CSMD1: variants seen among roughly 807,000 people sequenced by gnomAD.
CSMD1 encodes CUB and Sushi multiple domains 1.
CSMD1 carries 213 observed loss-of-function variants against 417.5 expected under a neutral mutation model. That is an observed-to-expected ratio of 0.51 (90% CI 0.46 to 0.57). CSMD1 has a LOEUF of 0.57. Ranked by LOEUF, CSMD1 falls within the 20% of genes least tolerant of loss-of-function variation. CSMD1 has a pLI of 0.00. For missense variants in CSMD1, 6,923 were observed against 4,529.7 expected, an observed-to-expected ratio of 1.53 and a Z score of -15.17; for synonymous variants, 2,862 against 1,736.8, an observed-to-expected ratio of 1.65 and a Z score of -16.11.
rs1463725457 is a variant in CSMD1 at position 3,695,685 on chromosome 8, C to A, written c.1009+12729G>T. On this transcript the variant is annotated intron_variant, in intron 7 of 69. Transcript: ENST00000635120. ...AAAATAATGATTAGAAAGATTCTAG[C>A]AAATTGTATTTAAAAGTTACTAAAA... Among the ~76,000 whole-genome samples, 3 of 152,112 alleles carry A rather than the reference C, an allele frequency of 2.0e-5. No homozygotes were observed. The South Asian group carries it at 6.2e-4, about 31-fold the overall frequency.
At chr8:3,764,904 C>T (rs184711192) in intron 5 of CSMD1, among the ~76,000 whole-genome samples, 3 of 151,860 alleles carry the variant, frequency 2.0e-5, no homozygotes, top group Non-Finnish European at 2.9e-5. Context: ...TGCCACCACA[C>T]CCAGCTCATT....
At chr8:4,258,361 G>T (rs1421643672) in intron 3 of CSMD1, among the ~76,000 whole-genome samples, 8 of 32,098 alleles carry the variant, frequency 2.5e-4, no homozygotes, top group African/African-American at 4.1e-4. Context: ...AAGAGAAGGA[G>T]GGAAGGAGGG....
At chr8:4,578,247 G>A (rs1799231128) in intron 2 of CSMD1, among the ~76,000 whole-genome samples, 1 of 150,564 alleles carries the variant, frequency 6.6e-6, no homozygotes, top group South Asian at 2.1e-4. Context: ...TGCAAGCTCT[G>A]CCTCCCGGGT....
intron 3 of CSMD1, among the ~76,000 whole-genome samples, chr8:4,123,566 G>C (rs757071371): frequency 6.6e-6 from 1 of 152,130 alleles, no homozygotes; most frequent in Admixed American, 6.5e-5. Flanking sequence ...TTTAAAGTGA[G>C]GAAATTCAAC....
At chr8:4,773,113 T>C (rs1796680557) in intron 1 of CSMD1, among the ~76,000 whole-genome samples, 2 of 152,198 alleles carry the variant, frequency 1.3e-5, no homozygotes, top group African/African-American at 2.4e-5. Context: ...TATTTGCATA[T>C]ATATTACCAG....
At chr8:4,516,210 C>A (rs992441667) in intron 2 of CSMD1, among the ~76,000 whole-genome samples, 1 of 152,092 alleles carries the variant, frequency 6.6e-6, no homozygotes, top group African/African-American at 2.4e-5. Context: ...CAGACACACA[C>A]AGAGGGAAGA....
In CSMD1 at chr8:4,976,175, G is replaced by A. The variant is rs779154642; in HGVS notation, c.85+18157C>T. Among the ~76,000 whole-genome samples the A allele has an allele frequency of 2.6e-5, 4 of 152,244 alleles. 1 individual carries two copies. Among genetic ancestry groups the A allele is most frequent in the Middle Eastern group, 6.8e-3 (2 of 294 alleles). ...ATCCTAGAGGGAGCAGAGAGACAAGGGCTGAAAAACCATCTATTGGACCCT... is the reference window on the plus strand; with the variant it reads ...ATCCTAGAGGGAGCAGAGAGACAAGAGCTGAAAAACCATCTATTGGACCCT... On this transcript the variant is annotated intron_variant, in intron 1 of 69. Coordinates refer to ENST00000635120, the MANE Select transcript of CSMD1 (RefSeq NM_033225.6).
chr8:3,275,512 C>T (rs1802213928), intron 26 of CSMD1, among the ~76,000 whole-genome samples: 1 of 152,178 alleles, frequency 6.6e-6, no homozygotes, highest in Non-Finnish European at 1.5e-5. Flanking sequence ...TGGATAATAT[C>T]CTGCAGAGTG....
Position 3,387,596 on chromosome 8 carries a change from T to C in CSMD1, c.2680A>G (p.Thr894Ala), listed in dbSNP as rs751861597. The C allele has an allele frequency of 1.2e-6, 2 of 1,601,254 alleles. No homozygotes were observed. Among genetic ancestry groups the C allele is most frequent in the East Asian group, 2.3e-5 (1 of 44,236 alleles). Residue 894 changes from threonine to alanine, a missense_variant, in exon 18 of 70, where the codon ACA becomes GCA. Coordinates refer to ENST00000635120, the MANE Select transcript of CSMD1 (RefSeq NM_033225.6). ...CCCGGGTCACAGCTGAAAGTCACTGTGGACCTGATGCCAAAGTCTCCACCG... is the reference window on the plus strand; with the variant it reads ...CCCGGGTCACAGCTGAAAGTCACTGCGGACCTGATGCCAAAGTCTCCACCG... ...RHGGDFGIRSTVTFSCDPGYT... is the reference protein window; with the variant it reads ...RHGGDFGIRSAVTFSCDPGYT...
chr8:2,960,413 T>C (rs564632302), intron 62 of CSMD1, among the ~76,000 whole-genome samples: 31 of 152,204 alleles, frequency 2.0e-4, no homozygotes, highest in Non-Finnish European at 4.1e-4. Context: ...TTTTTATTCT[T>C]AATTGATGAG....
intron 1 of CSMD1, among the ~76,000 whole-genome samples, chr8:4,933,953 T>G (rs1807426785): frequency 6.6e-6 from 1 of 152,190 alleles, no homozygotes; most frequent in Non-Finnish European, 1.5e-5. Flanking sequence ...TGTATTCATC[T>G]TTGCCCACAC....
Position 4,029,072 on chromosome 8 carries a change from G to C in CSMD1, c.610+2833C>G, listed in dbSNP as rs901655161. On this transcript the variant is annotated intron_variant, in intron 4 of 69. Transcript: ENST00000635120. ...TCTGAGAAGACTGACAGTGTTGAAA[G>C]AGTTCTTAAAATATACACATTAAAT... Among the ~76,000 whole-genome samples, 8 of 152,140 alleles carry C rather than the reference G, an allele frequency of 5.3e-5. No individual in the cohort carries two copies. The East Asian group carries it at 5.8e-4, about 11-fold the overall frequency.
At chr8:4,207,743 G>A (rs1714710) in intron 3 of CSMD1, among the ~76,000 whole-genome samples, 147,981 of 152,078 alleles carry the variant, frequency 0.97, 72,138 homozygotes, top group Middle Eastern at 1. Context: ...AGTAGATACT[G>A]TAACATTTCG....
At chr8:4,674,452 C>T (rs897996120) in intron 1 of CSMD1, among the ~76,000 whole-genome samples, 1 of 152,034 alleles carries the variant, frequency 6.6e-6, no homozygotes, top group African/African-American at 2.4e-5. Context: ...GTCTCAAACA[C>T]CTGGCAGAGG....
At chr8:4,397,630 A>G (rs1804341902) in intron 3 of CSMD1, among the ~76,000 whole-genome samples, 1 of 150,110 alleles carries the variant, frequency 6.7e-6, no homozygotes, top group South Asian at 2.1e-4. Context: ...GAAACAGACA[A>G]TATGCATCAC....
intron 1 of CSMD1, among the ~76,000 whole-genome samples, chr8:4,762,804 T>G (rs1261946809): frequency 6.6e-6 from 1 of 152,226 alleles, no homozygotes; most frequent in Non-Finnish European, 1.5e-5. Flanking sequence ...AAAATGTATC[T>G]AAATTACACC....
intron 5 of CSMD1, among the ~76,000 whole-genome samples, chr8:3,775,568 A>T (rs965642676): frequency 1.3e-5 from 2 of 152,160 alleles, no homozygotes; most frequent in Non-Finnish European, 2.9e-5. Context: ...ACTTCAAATG[A>T]TCTCCAGTGT....
intron 1 of CSMD1, among the ~76,000 whole-genome samples, chr8:4,829,107 G>C (rs1233292939): frequency 3.3e-5 from 5 of 152,128 alleles, no homozygotes; most frequent in African/African-American, 4.8e-5. Flanking sequence ...GTGGCTAATG[G>C]TTAAAATATC....
At chr8:4,254,881 C>G (rs546823682) in intron 3 of CSMD1, among the ~76,000 whole-genome samples, 2 of 152,158 alleles carry the variant, frequency 1.3e-5, no homozygotes, top group South Asian at 2.1e-4. Flanking sequence ...TTCACACAAA[C>G]AAAGATGAAA....
Sources: gnomAD v4.1 joint callset for allele counts (sites outside exome capture counted in the v4.1 genomes callset) on GRCh38, gnomAD v4.1.1 for gene constraint, MANE v1.5 for transcripts, NCBI Gene and HGNC (gene_info 2026-07-23, HGNC 2026-07-21) for gene names.